The following LUZP1 variants were observed in gnomAD, a reference collection of about 807,000 sequenced individuals.
LUZP1 encodes the protein filamin mechanobinding actin cross-linking protein.
In LUZP1, 25 loss-of-function variants were observed where a neutral mutation model predicts 71.3. The ratio of observed to expected loss-of-function variants is 0.35; its 90% CI spans 0.26 to 0.49. The LOEUF is 0.49. Ranked by LOEUF, LUZP1 falls within the 20% of genes least tolerant of loss-of-function variation. The pLI is 0.99. For missense variants in LUZP1, 1,142 were observed against 1,300.8 expected (o/e 0.88, Z 1.88); for synonymous variants, 481 against 506.4 (o/e 0.95, Z 0.67).
Position 23,170,802 on chromosome 1 carries a change from C to A in LUZP1, c.-484-1778G>T, listed in dbSNP as rs184467413. Among the ~76,000 whole-genome samples the A allele has an allele frequency of 1.2e-3, 190 of 152,094 alleles. 1 individual carries two copies. The highest frequency in any genetic ancestry group is 2.5e-3 in the Admixed American group (38 of 15,280). ...TTATTTTCAGTAGTATTATATTGACCAGGCGCGGTTGCTCATGCCTGCAAT... is the reference window on the plus strand; with the variant it reads ...TTATTTTCAGTAGTATTATATTGACAAGGCGCGGTTGCTCATGCCTGCAAT... On this transcript the variant is annotated intron_variant, in intron 1 of 4. Coordinates refer to ENST00000302291, the Ensembl canonical transcript of LUZP1.
chr1:23,098,571 C>T (rs1365233844), intron 3 of LUZP1, among the ~76,000 whole-genome samples: 1 of 152,130 alleles, frequency 6.6e-6, no homozygotes, highest in Non-Finnish European at 1.5e-5. Flanking sequence ...AGGAATAATG[C>T]TGGAAAGAGT....
rs1470215327 is a variant in LUZP1, at chr1:23,121,576, C to T, written c.-225-12449G>A. On this transcript the variant is annotated intron_variant, in intron 2 of 4. Transcript: ENST00000302291. ...CTATAAAAAATAAAACAAAATTAGT[C>T]AGGCGTAGTGGCACACACCTGTGGT... Among the ~76,000 whole-genome samples the T allele has an allele frequency of 2.6e-5, 4 of 152,164 alleles. 1 individual carries two copies. Among genetic ancestry groups the T allele is most frequent in the African/African-American group, 9.6e-5 (4 of 41,530 alleles).
At chr1:23,095,716 C>T (rs1643888719) in intron 3 of LUZP1, among the ~76,000 whole-genome samples, 1 of 152,080 alleles carries the variant, frequency 6.6e-6, no homozygotes, top group Admixed American at 6.6e-5. Flanking sequence ...TAAGAGGACC[C>T]GGGCTCTATT....
At chr1:23,146,126 G>A (rs554220134) in intron 2 of LUZP1, among the ~76,000 whole-genome samples, 1 of 152,198 alleles carries the variant, frequency 6.6e-6, no homozygotes, top group Non-Finnish European at 1.5e-5. Context: ...CACCTCCTGG[G>A]TTCAAGCGAT....
intron 2 of LUZP1, among the ~76,000 whole-genome samples, chr1:23,158,936 C>CAA (rs1165897572): frequency 1.1e-4 from 6 of 56,210 alleles, no homozygotes; most frequent in African/African-American, 1.3e-4. Flanking sequence ...GACTCCATCT[C>CAA]AAAAAAAAAA....
chr1:23,097,745 G>C (rs1030579113), intron 3 of LUZP1, among the ~76,000 whole-genome samples: 14 of 152,232 alleles, frequency 9.2e-5, no homozygotes, highest in Non-Finnish European at 2.1e-4. Context: ...GGTAGGCTGA[G>C]GCAAGAAGAC....
At chr1:23,170,667 A>G (rs1288014501) in intron 1 of LUZP1, among the ~76,000 whole-genome samples, 2 of 151,834 alleles carry the variant, frequency 1.3e-5, no homozygotes, top group Admixed American at 6.6e-5. Context: ...GTGTTTCACC[A>G]TGTTGGCCAC....
chr1:23,141,978 G>A (rs901244861), intron 2 of LUZP1, among the ~76,000 whole-genome samples: 2 of 151,940 alleles, frequency 1.3e-5, no homozygotes, highest in Non-Finnish European at 2.9e-5. Context: ...CCATGTAGCT[G>A]GGATTACAGG....
intron 2 of LUZP1, among the ~76,000 whole-genome samples, chr1:23,165,222 C>T (rs773441487): frequency 1.5e-4 from 23 of 151,992 alleles, no homozygotes; most frequent in Non-Finnish European, 3.4e-4. Context: ...CTACCCAATT[C>T]CTAAAAGATA....
Position 23,145,346 on chromosome 1 carries a change from T to G in LUZP1, c.-226+23420A>C, listed in dbSNP as rs143490444. Among the ~76,000 whole-genome samples, 12 of 152,352 alleles carry G rather than the reference T, an allele frequency of 7.9e-5. No homozygotes were observed. The East Asian group carries it at 1.7e-3, about 22-fold the overall frequency. On this transcript the variant is annotated intron_variant, in intron 2 of 4. Transcript: ENST00000302291. ...GAAATGTTAAAGTACTTGAAAAACT[T>G]AAAAGCATAACACAATAATAATAGG...
intron 1 of LUZP1, among the ~76,000 whole-genome samples, chr1:23,172,699 G>C (rs1644559279): frequency 6.6e-6 from 1 of 151,876 alleles, no homozygotes. Context: ...ATTTTTAGTA[G>C]AGATGGGGTT....
rs960800714 is a variant in LUZP1, at chr1:23,127,517, TTTTTGTTTTG to T, written c.-225-18400_-225-18391del. On this transcript the variant is annotated intron_variant, in intron 2 of 4. Coordinates refer to ENST00000302291, the Ensembl canonical transcript of LUZP1. ...TCTTCAGCTCCAATTTTAGTTTTGT[TTTTTGTTTTG>T]TTTTGTTTTGTTTTGAGACGGAGTC... Among the ~76,000 whole-genome samples, 5 of 152,200 alleles carry T rather than the reference TTTTTGTTTTG, an allele frequency of 3.3e-5. No individual in the cohort carries two copies. The East Asian group carries it at 5.8e-4, about 18-fold the overall frequency.
At chr1:23,116,565 T>C (rs1409595607) in intron 2 of LUZP1, among the ~76,000 whole-genome samples, 1 of 114,144 alleles carries the variant, frequency 8.8e-6, no homozygotes, top group East Asian at 2.4e-4. Flanking sequence ...TGTAAAAAAG[T>C]AAAAGACCAC....
rs953808568 is a variant in LUZP1, at chr1:23,165,178, T to C, written c.-226+3588A>G. Among the ~76,000 whole-genome samples the C allele has an allele frequency of 5.3e-5, 8 of 152,158 alleles. No individual in the cohort carries two copies. The East Asian group carries it at 1.5e-3, about 29-fold the overall frequency. ...GATCTCACAGTATTGAATCTGAGCATAGAAACCTCATAACATTCCCAGGGA... is the reference window on the plus strand; with the variant it reads ...GATCTCACAGTATTGAATCTGAGCACAGAAACCTCATAACATTCCCAGGGA... On this transcript the variant is annotated intron_variant, in intron 2 of 4. Transcript: ENST00000302291.
chr1:23,171,607 G>C (rs925636090), intron 1 of LUZP1, among the ~76,000 whole-genome samples: 3 of 152,190 alleles, frequency 2.0e-5, no homozygotes, highest in Admixed American at 2.0e-4. Context: ...GGAACTTTGG[G>C]GTTCTGATTA....
chr1:23,100,057 T>G lies in LUZP1; in HGVS notation c.-119-5677A>C, dbSNP rs186849438. On this transcript the variant is annotated intron_variant, in intron 3 of 4. Transcript: ENST00000302291. Reference sequence around the variant, plus strand: ...CCCAGGCCAGATCTGGGCCTCTCTTTTTTGCTTTCACAGTCTGCTACATAT... The same window carrying G: ...CCCAGGCCAGATCTGGGCCTCTCTTGTTTGCTTTCACAGTCTGCTACATAT... 1.3e-3 allele frequency among the ~76,000 whole-genome samples: 192 copies of G among 152,318 alleles called. 2 individuals carry two copies. The highest frequency in any genetic ancestry group is 4.4e-3 in the African/African-American group (183 of 41,570).
chr1:23,090,110 A>G (rs1198806277), intron 4 of LUZP1, among the ~76,000 whole-genome samples: 1 of 139,304 alleles, frequency 7.2e-6, no homozygotes, highest in Non-Finnish European at 1.5e-5. Context: ...AATGCAGATC[A>G]AAGAATAACA....
At chr1:23,134,047 T>G (rs1447658913) in intron 2 of LUZP1, among the ~76,000 whole-genome samples, 1 of 152,222 alleles carries the variant, frequency 6.6e-6, no homozygotes, top group Non-Finnish European at 1.5e-5. Context: ...AACTGAAGTT[T>G]TATAGGAACA....
At chr1:23,105,763 A>C (rs2124630398) in intron 3 of LUZP1, among the ~76,000 whole-genome samples, 1 of 152,374 alleles carries the variant, frequency 6.6e-6, no homozygotes, top group East Asian at 1.9e-4. Flanking sequence ...TTCAAAAACA[A>C]AATATAACCA....
Sources: gnomAD v4.1 joint callset for allele counts (sites outside exome capture counted in the v4.1 genomes callset) on GRCh38, gnomAD v4.1.1 for gene constraint, MANE v1.5 for transcripts, NCBI Gene and HGNC (gene_info 2026-07-23, HGNC 2026-07-21) for gene names.